The following ELOVL7 variants were observed in gnomAD, a reference collection of about 807,000 sequenced individuals.
ELOVL7 encodes the protein ELOVL fatty acid elongase 7, also known as very long chain fatty acid elongase 7.
In ELOVL7, 27 loss-of-function variants were observed where a neutral mutation model predicts 35.7. The observed-to-expected ratio is 0.76, with a 90% CI of 0.56 to 1.04. The LOEUF (loss-of-function observed/expected upper bound fraction) is 1.04, where lower values mean the gene tolerates loss of function less well. ELOVL7 is among the 50% of genes least tolerant of loss of function. The pLI, the probability that ELOVL7 is intolerant of heterozygous loss-of-function variation, is 0.00. For missense variants in ELOVL7, 327 were observed against 340.8 expected (o/e 0.96, Z 0.32); for synonymous variants, 113 against 114.6 (o/e 0.99, Z 0.09).
chr5:60,811,463 A>G lies in ELOVL7; in HGVS notation c.-85-12233T>C, dbSNP rs546147022. ...TTTTGTTAGACTAATAAATAATGAC[A>G]TATTCCTGAAAGGGGAAATGGAAAA... On this transcript the variant is annotated intron_variant, in intron 1 of 8. Transcript: ENST00000508821. Among the ~76,000 whole-genome samples the G allele has an allele frequency of 9.2e-5, 14 of 152,332 alleles. No individual in the cohort carries two copies. The South Asian group carries it at 2.7e-3, about 29-fold the overall frequency.
At chr5:60,783,982 C>A (rs1743413977) in intron 3 of ELOVL7, 3 of 607,694 alleles carry the variant, frequency 4.9e-6, no homozygotes, top group East Asian at 5.5e-5. Context: ...GGCAGGCTGT[C>A]TGACAGTCTA....
At chr5:60,755,028 T>C (rs1741453304) in intron 8 of ELOVL7, among the ~76,000 whole-genome samples, 195 bp from the exon 9 acceptor site, 1 of 152,126 alleles carries the variant, frequency 6.6e-6, no homozygotes, top group Non-Finnish European at 1.5e-5. Flanking sequence ...GGATCCACTA[T>C]TCAGAACCAC....
chr5:60,805,681 C>T (rs1052347654), intron 1 of ELOVL7, among the ~76,000 whole-genome samples: 28 of 152,304 alleles, frequency 1.8e-4, no homozygotes, highest in Non-Finnish European at 4.0e-4. Flanking sequence ...AAGGATCCAG[C>T]ATAAGCATCA....
intron 4 of ELOVL7, chr5:60,768,646 A>T: frequency 2.2e-6 from 1 of 455,450 alleles, no homozygotes. Context: ...TTATACTGAC[A>T]TTCTTTCAGT....
chr5:60,773,898 G>A (rs955535997), intron 3 of ELOVL7, among the ~76,000 whole-genome samples: 3 of 152,260 alleles, frequency 2.0e-5, no homozygotes, highest in African/African-American at 7.2e-5. Flanking sequence ...GAATTGCCAC[G>A]ATGGGAATGG....
intron 1 of ELOVL7, among the ~76,000 whole-genome samples, chr5:60,826,897 T>C (rs1324301526): frequency 6.6e-6 from 1 of 152,186 alleles, no homozygotes; most frequent in Non-Finnish European, 1.5e-5. Context: ...TCATGATAAA[T>C]GGCCTCTGGG....
At chr5:60,771,040 A>G (rs562999219) in intron 4 of ELOVL7, among the ~76,000 whole-genome samples, 44 of 152,320 alleles carry the variant, frequency 2.9e-4, no homozygotes, top group African/African-American at 5.5e-4. Flanking sequence ...ATGGATCTGT[A>G]GCAAGAGTCA....
At chr5:60,794,027 C>T (rs560239831) in intron 2 of ELOVL7, among the ~76,000 whole-genome samples, 1 of 152,242 alleles carries the variant, frequency 6.6e-6, no homozygotes, top group Non-Finnish European at 1.5e-5. Flanking sequence ...AGCTAAGGCT[C>T]ACAGTCAGAG....
chr5:60,809,955 A>T (rs1745150306), intron 1 of ELOVL7, among the ~76,000 whole-genome samples: 1 of 152,030 alleles, frequency 6.6e-6, no homozygotes, highest in Admixed American at 6.6e-5. Context: ...TGAATATTGA[A>T]CTCTACAACT....
intron 2 of ELOVL7, among the ~76,000 whole-genome samples, chr5:60,791,318 T>C (rs1217081461): frequency 6.6e-6 from 1 of 152,054 alleles, no homozygotes; most frequent in East Asian, 1.9e-4. Flanking sequence ...ATTGTGCCAA[T>C]TTATGGGTAC....
chr5:60,757,598 C>T lies in ELOVL7; in HGVS notation c.547G>A (p.Val183Ile). 1 of 1,611,938 alleles carries T rather than the reference C, an allele frequency of 6.2e-7. No homozygotes were observed. The highest frequency in any genetic ancestry group is 1.1e-5 in the South Asian group (1 of 90,862). Residue 183 changes from valine to isoleucine, a missense_variant, in exon 8 of 9, where the codon GTC becomes ATC. Val to Ile is a conservative substitution (Grantham distance 29). Transcript: ENST00000508821. ...HALLNTAVHV[V>I]MYSYYGLSAL... is the part of the protein sequence containing the mutation. ...GAAAGTCCATAGTAGGAATACATGACTACATGTACAGCTGTATTTAGAAGG... is the reference window on the plus strand; with the variant it reads ...GAAAGTCCATAGTAGGAATACATGATTACATGTACAGCTGTATTTAGAAGG...
intron 3 of ELOVL7, among the ~76,000 whole-genome samples, chr5:60,786,809 G>A (rs941881420): frequency 1.3e-5 from 2 of 152,106 alleles, no homozygotes; most frequent in South Asian, 2.1e-4. Flanking sequence ...AGGCATGGTG[G>A]TGGGTGCCTG....
At chr5:60,762,256 A>C (rs1378575124) in intron 7 of ELOVL7, among the ~76,000 whole-genome samples, 2 of 147,960 alleles carry the variant, frequency 1.4e-5, no homozygotes, top group African/African-American at 5.0e-5. Context: ...CCGAGATCAC[A>C]CCACTGCACT....
intron 3 of ELOVL7, among the ~76,000 whole-genome samples, chr5:60,783,101 G>C (rs1181931901): frequency 1.3e-5 from 2 of 152,128 alleles, no homozygotes; most frequent in African/African-American, 4.8e-5. Flanking sequence ...TGACCGTGAT[G>C]AACTGTCATA....
chr5:60,764,150 C>T (rs1742089957), intron 7 of ELOVL7, 77 bp downstream of exon 7: 2 of 942,406 alleles, frequency 2.1e-6, no homozygotes, highest in South Asian at 1.5e-5. Flanking sequence ...TTATAAATCA[C>T]ATTTTAGAAA....
At position 60,753,496 on chromosome 5, in the gene ELOVL7, T is replaced by C. The variant is rs774249282; in HGVS notation, c.*1128A>G. 13 of 152,196 alleles carry C rather than the reference T, an allele frequency of 8.5e-5. No individual in the cohort carries two copies. The highest frequency in any genetic ancestry group is 1.6e-4 in the Non-Finnish European group (11 of 68,034). 9.4% of individuals were successfully genotyped at this position (152,196 alleles called of 1,614,324 possible). A position where few individuals can be genotyped will look rare whatever the true frequency, so the allele number is the denominator to read the frequency against. ...TTAATTATATAATATATTACTATTATGTAGTCTGTCTGTCTCTCTCTCAAA... is the reference window on the plus strand; with the variant it reads ...TTAATTATATAATATATTACTATTACGTAGTCTGTCTGTCTCTCTCTCAAA... On this transcript the variant is annotated 3_prime_UTR_variant, in exon 9 of 9. Coordinates refer to ENST00000508821, the MANE Select transcript of ELOVL7 (RefSeq NM_024930.3).
In ELOVL7 at chr5:60,754,938, G is replaced by T. The variant is rs908295351; in HGVS notation, c.637-105C>A. 4 of 877,170 alleles carry T rather than the reference G, an allele frequency of 4.6e-6. No individual in the cohort carries two copies. In the African/African-American group the frequency reaches 5.1e-5, roughly 11 times the overall value. The allele number at this position is 877,170 out of a possible 1,614,324, so 54.3% of individuals were successfully genotyped here. The stretch of plus-strand genomic sequence containing the variant: ...CCAAAGTGCAGGGAGTGCACTATTG[G>T]GCAAAGAAGTCCATCTTTAAATCTA... On this transcript the variant is annotated intron_variant, in intron 8 of 8. Coordinates refer to ENST00000508821, the MANE Select transcript of ELOVL7 (RefSeq NM_024930.3).
chr5:60,766,555 G>A lies in ELOVL7; in HGVS notation c.393+19C>T. On this transcript the variant is annotated intron_variant, in intron 6 of 8. Coordinates refer to ENST00000508821, the MANE Select transcript of ELOVL7 (RefSeq NM_024930.3). ...ATTTAAGATCAAACATTTACCAAAT[G>A]TGGTGGCCATATACTCACCGTATCT... 6.3e-7 allele frequency: 1 copy of A among 1,581,642 alleles called. No individual in the cohort carries two copies. The highest frequency in any genetic ancestry group is 1.4e-5 in the African/African-American group (1 of 73,862).
rs966593520 is a variant in ELOVL7, at chr5:60,754,723, A to G, written c.747T>C (p.Phe249=). ...ACIIMSYSFM[F]LLLFLHFWYR... ...ACCAAAAATGGAGAAAGAGCAGCAG[A>G]AACATGAAACTGTAACTCATAATGA... The change falls in exon 9 of 9, where the codon TTT becomes TTC. Residue 249 remains phenylalanine, a synonymous_variant. Coordinates refer to ENST00000508821, the MANE Select transcript of ELOVL7 (RefSeq NM_024930.3). The G allele has an allele frequency of 6.2e-7, 1 of 1,614,244 alleles. No individual in the cohort carries two copies. The highest frequency in any genetic ancestry group is 1.3e-5 in the African/African-American group (1 of 75,084).
Sources: allele counts gnomAD v4.1 joint callset (sites outside exome capture counted in the v4.1 genomes callset), GRCh38; gene constraint gnomAD v4.1.1; transcripts MANE v1.5; gene names NCBI Gene and HGNC (gene_info 2026-07-23, HGNC 2026-07-21).